The following CSTPP1 variants were observed in gnomAD, a reference collection of about 807,000 sequenced individuals.
CSTPP1 encodes the protein UPF0705 protein C11orf49.
At chr11:47,088,344 T>A in the CSTPP1 span, among the ~76,000 whole-genome samples, 55 of 152,194 alleles carry the variant, frequency 3.6e-4, no homozygotes, top group Non-Finnish European at 7.9e-4. Flanking sequence ...ATACAATTAA[T>A]ATACATGGTC....
the CSTPP1 span, among the ~76,000 whole-genome samples, chr11:46,981,758 T>A: frequency 1.4e-4 from 21 of 151,964 alleles, no homozygotes; most frequent in Admixed American, 3.9e-4. Flanking sequence ...CTCTAGTTTT[T>A]AAAAAAATTG....
chr11:47,003,356 G>A, the CSTPP1 span, among the ~76,000 whole-genome samples: 2 of 152,156 alleles, frequency 1.3e-5, no homozygotes, highest in Non-Finnish European at 2.9e-5. Flanking sequence ...GCGTGGGGGT[G>A]GAGGGGACAG....
At chr11:47,095,177 G>A in the CSTPP1 span, among the ~76,000 whole-genome samples, 1 of 152,178 alleles carries the variant, frequency 6.6e-6, no homozygotes, top group Non-Finnish European at 1.5e-5. Flanking sequence ...TCAGCCTGAA[G>A]AGCCATTTGT....
the CSTPP1 span, among the ~76,000 whole-genome samples, chr11:47,106,333 C>T: frequency 6.6e-6 from 1 of 152,182 alleles, no homozygotes; most frequent in Non-Finnish European, 1.5e-5. Context: ...AGAAGGACTT[C>T]TAGTGAAAGG....
chr11:47,152,546 G>A, the CSTPP1 span, among the ~76,000 whole-genome samples: 9 of 151,956 alleles, frequency 5.9e-5, no homozygotes, highest in Admixed American at 4.6e-4. Flanking sequence ...GTAGCCCTTT[G>A]GGAAGTACGA....
chr11:47,144,980 ATTTTTTTT>A, the CSTPP1 span, among the ~76,000 whole-genome samples: 5 of 92,924 alleles, frequency 5.4e-5, no homozygotes, highest in Admixed American at 3.3e-4. Context: ...ATTGCCTGCC[ATTTTTTTT>A]TTTTTTTTTT....
chr11:47,074,337 CA>C, the CSTPP1 span, among the ~76,000 whole-genome samples: 3 of 151,580 alleles, frequency 2.0e-5, no homozygotes, highest in Non-Finnish European at 2.9e-5. Context: ...AACATCTCTA[CA>C]AAAATAAGAA....
the CSTPP1 span, among the ~76,000 whole-genome samples, chr11:46,985,526 T>A: frequency 6.6e-6 from 1 of 152,176 alleles, no homozygotes; most frequent in Admixed American, 6.5e-5. Flanking sequence ...CTGAATTTTT[T>A]ATGGTAAATG....
At chr11:47,157,646 C>T in the CSTPP1 span, among the ~76,000 whole-genome samples, 2 of 146,110 alleles carry the variant, frequency 1.4e-5, no homozygotes, top group South Asian at 4.8e-4. Flanking sequence ...AGTTAGTGAA[C>T]ATGCCAGCCC....
At chr11:47,062,545 A>G in the CSTPP1 span, among the ~76,000 whole-genome samples, 1 of 152,236 alleles carries the variant, frequency 6.6e-6, no homozygotes, top group Admixed American at 6.5e-5. Context: ...AAACCAGCCT[A>G]ATCAAAGCTA....
At chr11:47,118,697 T>A in the CSTPP1 span, among the ~76,000 whole-genome samples, 96 of 152,372 alleles carry the variant, frequency 6.3e-4, no homozygotes, top group East Asian at 6.0e-3. Context: ...GTTTTCCTTC[T>A]AACAGTCAGG....
the CSTPP1 span, among the ~76,000 whole-genome samples, chr11:47,017,787 C>A: frequency 6.6e-6 from 1 of 151,880 alleles, no homozygotes. Flanking sequence ...CATGCCTCAG[C>A]CTCCCAAGTA....
chr11:47,019,301 G>A, the CSTPP1 span, among the ~76,000 whole-genome samples: 4 of 152,276 alleles, frequency 2.6e-5, no homozygotes, highest in South Asian at 4.1e-4. Flanking sequence ...ATGAGCCACC[G>A]CACCTGGCCT....
the CSTPP1 span, among the ~76,000 whole-genome samples, chr11:46,975,181 A>G: frequency 3.3e-5 from 5 of 151,308 alleles, no homozygotes; most frequent in South Asian, 1.0e-3. Flanking sequence ...GGAGGCTGAG[A>G]TAGGAGGATT....
chr11:47,091,648 T>C, the CSTPP1 span, among the ~76,000 whole-genome samples: 2 of 152,324 alleles, frequency 1.3e-5, no homozygotes, highest in South Asian at 4.1e-4. Context: ...CCTAAAGATA[T>C]TCAGGCCCTA....
chr11:47,077,747 TAGC>T, the CSTPP1 span, among the ~76,000 whole-genome samples: 1 of 152,122 alleles, frequency 6.6e-6, no homozygotes, highest in African/African-American at 2.4e-5. Context: ...CAGATTGAAG[TAGC>T]AGGACAGAAG....
chr11:47,158,986 C>G, the CSTPP1 span, among the ~76,000 whole-genome samples: 1 of 152,184 alleles, frequency 6.6e-6, no homozygotes, highest in Non-Finnish European at 1.5e-5. Context: ...CACTAAATGC[C>G]AACCACAGCA....
the CSTPP1 span, among the ~76,000 whole-genome samples, chr11:47,037,866 A>G: frequency 7.9e-6 from 1 of 127,042 alleles, no homozygotes; most frequent in South Asian, 2.5e-4. Context: ...CAAAACCGCC[A>G]TTGTCATCAT....
the CSTPP1 span, among the ~76,000 whole-genome samples, chr11:47,150,046 C>G: frequency 3.3e-5 from 5 of 152,162 alleles, no homozygotes; most frequent in Middle Eastern, 3.4e-3. Context: ...CACTTCCTCC[C>G]TAGTCTTCAC....
Sources: gnomAD v4.1 joint callset for allele counts (sites outside exome capture counted in the v4.1 genomes callset) on GRCh38, gnomAD v4.1.1 for gene constraint, MANE v1.5 for transcripts, NCBI Gene and HGNC (gene_info 2026-07-23, HGNC 2026-07-21) for gene names.